VWC2: variants seen among roughly 807,000 people sequenced by gnomAD.
VWC2 encodes the protein von Willebrand factor C domain containing 2.
A neutral mutation model predicts 29.8 loss-of-function variants in VWC2; 14 were observed. The ratio of observed to expected loss-of-function variants is 0.47; its 90% CI spans 0.31 to 0.74. VWC2 has a LOEUF of 0.74. VWC2 is among the 30% of genes least tolerant of loss of function. The pLI, the probability that VWC2 is intolerant of heterozygous loss-of-function variation, is 0.05. For missense variants in VWC2, 457 were observed against 459.8 expected (o/e 0.99, Z 0.05); for synonymous variants, 213 against 199.0 (o/e 1.07, Z -0.59).
intron 3 of VWC2, among the ~76,000 whole-genome samples, chr7:49,830,314 G>A (rs892135704): frequency 1.3e-5 from 2 of 152,096 alleles, no homozygotes; most frequent in African/African-American, 4.8e-5. Context: ...TTAAGAATTT[G>A]CTCTTCACTG....
At chr7:49,816,649 G>A (rs1420915248) in intron 3 of VWC2, among the ~76,000 whole-genome samples, 1 of 152,160 alleles carries the variant, frequency 6.6e-6, no homozygotes, top group African/African-American at 2.4e-5. Context: ...TGATTTACTG[G>A]CATAAGAAGG....
intron 3 of VWC2, among the ~76,000 whole-genome samples, chr7:49,874,681 G>A (rs1791324221): frequency 6.6e-6 from 1 of 152,058 alleles, no homozygotes; most frequent in Admixed American, 6.5e-5. Context: ...TTATAAAATT[G>A]CTGTAACCTT....
intron 3 of VWC2, among the ~76,000 whole-genome samples, chr7:49,908,005 G>A (rs1049340355): frequency 5.3e-5 from 8 of 152,098 alleles, no homozygotes; most frequent in African/African-American, 1.7e-4. Context: ...GATTGTCTAC[G>A]GAATGCAGAT....
intron 3 of VWC2, among the ~76,000 whole-genome samples, chr7:49,838,686 G>A (rs1562725045): frequency 6.6e-6 from 1 of 152,038 alleles, no homozygotes; most frequent in Non-Finnish European, 1.5e-5. Flanking sequence ...TCTCCATAAG[G>A]TTACAAGGGA....
At chr7:49,861,324 T>C (rs1240053865) in intron 3 of VWC2, among the ~76,000 whole-genome samples, 1 of 152,254 alleles carries the variant, frequency 6.6e-6, no homozygotes, top group African/African-American at 2.4e-5. Flanking sequence ...ACTGTTCAAC[T>C]CATTTTATTG....
At chr7:49,789,526 G>A (rs909007401) in intron 2 of VWC2, among the ~76,000 whole-genome samples, 8 of 152,074 alleles carry the variant, frequency 5.3e-5, no homozygotes, top group African/African-American at 1.9e-4. Flanking sequence ...TCATCCCTGA[G>A]AGAACTAATC....
chr7:49,776,046 C>G lies in VWC2; in HGVS notation c.611C>G (p.Thr204Arg), dbSNP rs1224082065. 6.5e-7 allele frequency: 1 copy of G among 1,548,382 alleles called. No homozygotes were observed. The highest frequency in any genetic ancestry group is 1.4e-5 in the African/African-American group (1 of 73,336). ...CACCCGCGCTGCATCCACGTCGACA[C>G]GAGCCAGTGCTGCCCGCAGTGCAAG... ...RLHPRCIHVD[T>R]SQCCPQCKER... The change falls in exon 2 of 4, where the codon ACG (threonine) becomes AGG (arginine). Residue 204 changes from threonine to arginine, a missense_variant. This residue lies in a region of VWC2 where 185 missense variants were observed against 257.1 expected (regional missense o/e 0.72). Coordinates refer to ENST00000340652, the MANE Select transcript of VWC2 (RefSeq NM_198570.5).
chr7:49,901,575 T>C (rs1022474929), intron 3 of VWC2, among the ~76,000 whole-genome samples: 3 of 151,738 alleles, frequency 2.0e-5, no homozygotes, highest in Non-Finnish European at 3.0e-5. Flanking sequence ...AATAGAGAGA[T>C]GTTTCAAGTT....
chr7:49,865,351 AACCC>A (rs1790835358), intron 3 of VWC2, among the ~76,000 whole-genome samples: 1 of 152,238 alleles, frequency 6.6e-6, no homozygotes, highest in Non-Finnish European at 1.5e-5. Context: ...TGAAGTGTGT[AACCC>A]TCAGTTTTCC....
intron 3 of VWC2, among the ~76,000 whole-genome samples, chr7:49,814,900 G>A (rs888507860): frequency 6.6e-6 from 1 of 152,112 alleles, no homozygotes; most frequent in Non-Finnish European, 1.5e-5. Flanking sequence ...AACTTTCTCC[G>A]GTTGCTTCCT....
intron 3 of VWC2, among the ~76,000 whole-genome samples, chr7:49,871,536 A>C (rs1008437542): frequency 2.6e-5 from 4 of 152,140 alleles, no homozygotes; most frequent in Non-Finnish European, 4.4e-5. Context: ...TGTGTCTTTA[A>C]GCAGAAAAAC....
intron 3 of VWC2, among the ~76,000 whole-genome samples, chr7:49,809,475 C>T (rs185676443): frequency 2.0e-5 from 3 of 152,096 alleles, no homozygotes; most frequent in African/African-American, 7.2e-5. Context: ...TACAAACTCA[C>T]CCAGGAAATA....
At chr7:49,830,420 T>G (rs1789498314) in intron 3 of VWC2, among the ~76,000 whole-genome samples, 1 of 152,164 alleles carries the variant, frequency 6.6e-6, no homozygotes, top group Admixed American at 6.5e-5. Context: ...ATTTCAAAAT[T>G]CGTTAATTCA....
chr7:49,899,455 T>C (rs1380309690), intron 3 of VWC2, among the ~76,000 whole-genome samples: 3 of 152,046 alleles, frequency 2.0e-5, no homozygotes, highest in African/African-American at 7.2e-5. Context: ...GACTACTATA[T>C]AGCTTCAAAG....
chr7:49,809,740 T>G (rs1788959118), intron 3 of VWC2, among the ~76,000 whole-genome samples: 1 of 151,980 alleles, frequency 6.6e-6, no homozygotes, highest in African/African-American at 2.4e-5. Context: ...TCAATTAACA[T>G]AATACATTAA....
At chr7:49,895,699 T>G (rs551241250) in intron 3 of VWC2, among the ~76,000 whole-genome samples, 104 of 147,942 alleles carry the variant, frequency 7.0e-4, no homozygotes, top group Non-Finnish European at 9.1e-4. Flanking sequence ...TCTCTGAGTC[T>G]CATTTTTCAT....
At chr7:49,811,819 A>C (rs1276113784) in intron 3 of VWC2, among the ~76,000 whole-genome samples, 1 of 152,256 alleles carries the variant, frequency 6.6e-6, no homozygotes, top group Non-Finnish European at 1.5e-5. Flanking sequence ...ATTATATCCC[A>C]GCAAAATGAG....
chr7:49,804,827 A>G (rs1018335264), intron 3 of VWC2, among the ~76,000 whole-genome samples: 1 of 152,120 alleles, frequency 6.6e-6, no homozygotes, highest in African/African-American at 2.4e-5. Flanking sequence ...ATAACCCAAC[A>G]CCATCAATAT....
At chr7:49,789,889 C>T (rs1788425663) in intron 2 of VWC2, among the ~76,000 whole-genome samples, 1 of 152,220 alleles carries the variant, frequency 6.6e-6, no homozygotes, top group African/African-American at 2.4e-5. Flanking sequence ...GAAGCCGCTC[C>T]CTGCACTGGC....
Sources: allele counts gnomAD v4.1 joint callset (sites outside exome capture counted in the v4.1 genomes callset), GRCh38; gene constraint gnomAD v4.1.1; regional missense constraint gnomAD v4.1.1; transcripts MANE v1.5; gene names NCBI Gene and HGNC (gene_info 2026-07-23, HGNC 2026-07-21).